The following SUSD1 variants were observed in gnomAD, a reference collection of about 807,000 sequenced individuals.
The protein encoded by SUSD1 is sushi domain-containing protein 1.
In SUSD1, 65 loss-of-function variants were observed where a neutral mutation model predicts 86.9. The ratio of observed to expected loss-of-function variants is 0.75; its 90% CI spans 0.61 to 0.92. The LOEUF (loss-of-function observed/expected upper bound fraction) is 0.92. Ranked by LOEUF, SUSD1 falls within the 40% of genes least tolerant of loss-of-function variation. The pLI, the probability that SUSD1 is intolerant of heterozygous loss-of-function variation, is 0.00. For synonymous variants in SUSD1, 346 were observed against 350.0 expected, an observed-to-expected ratio of 0.99 and a Z score of 0.13; for missense variants, 850 against 929.7, an observed-to-expected ratio of 0.91 and a Z score of 1.11.
At chr9:112,052,338 A>C in intron 15 of SUSD1, 61 bp downstream of exon 15, 1 of 1,613,232 alleles carries the variant, frequency 6.2e-7, no homozygotes. Context: ...TCTCATCAAT[A>C]TGAACTTGAT....
chr9:112,116,470 T>A (rs1367186328), intron 6 of SUSD1, among the ~76,000 whole-genome samples: 2 of 152,256 alleles, frequency 1.3e-5, no homozygotes, highest in Non-Finnish European at 2.9e-5. Flanking sequence ...ATAGTGCTGA[T>A]AACTGAAAAC....
chr9:112,078,721 G>A lies in SUSD1; in HGVS notation c.1570C>T (p.His524Tyr), dbSNP rs1006061983. ...TADMEEMYLF[H>Y]IWGQRWYQKE... ...TGATACCATCTCTGGCCCCAAATGT[G>A]GAACTGAAACATAAAAAAGCTCACT... Residue 524 changes from histidine (H) to tyrosine (Y), a missense_variant, in exon 12 of 17, where the codon CAC (histidine) becomes TAC (tyrosine). His to Tyr is a moderately conservative substitution (Grantham distance 83). Transcript: ENST00000374270. 1 of 1,609,702 alleles carries A rather than the reference G, an allele frequency of 6.2e-7. No homozygotes were observed. The highest frequency in any genetic ancestry group is 1.7e-5 in the Admixed American group (1 of 59,890).
chr9:112,157,655 G>C (rs772632400), intron 1 of SUSD1, 42 bp from the exon 2 acceptor site: 2 of 1,524,582 alleles, frequency 1.3e-6, no homozygotes, highest in Non-Finnish European at 1.8e-6. Context: ...AAAAATGCAA[G>C]ATGAGACACA....
intron 12 of SUSD1, among the ~76,000 whole-genome samples, chr9:112,066,757 T>A (rs981600166): frequency 6.6e-6 from 1 of 152,216 alleles, no homozygotes; most frequent in African/African-American, 2.4e-5. Flanking sequence ...GGGGCCAGCA[T>A]TCCCAGTACT....
chr9:112,094,748 A>G (rs533242834), intron 10 of SUSD1, among the ~76,000 whole-genome samples: 5 of 152,252 alleles, frequency 3.3e-5, no homozygotes, highest in Non-Finnish European at 7.3e-5. Context: ...ATGACAAGGA[A>G]AAGTTTTAAA....
At chr9:112,065,419 G>A (rs1828933628) in intron 12 of SUSD1, among the ~76,000 whole-genome samples, 1 of 152,176 alleles carries the variant, frequency 6.6e-6, no homozygotes, top group Non-Finnish European at 1.5e-5. Context: ...CAGCTACTCA[G>A]GAGTCTGAGG....
chr9:112,122,646 T>A (rs768110581), intron 6 of SUSD1, among the ~76,000 whole-genome samples: 1 of 152,154 alleles, frequency 6.6e-6, no homozygotes, highest in African/African-American at 2.4e-5. Context: ...TCCAAAAGAA[T>A]TGAAAACAGG....
intron 12 of SUSD1, among the ~76,000 whole-genome samples, chr9:112,068,178 A>G (rs1241076574): frequency 1.3e-5 from 2 of 152,200 alleles, no homozygotes; most frequent in Admixed American, 1.3e-4. Context: ...AGTTATATAC[A>G]GAGCACTGTG....
intron 6 of SUSD1, among the ~76,000 whole-genome samples, chr9:112,123,602 C>T (rs1831639690): frequency 6.6e-6 from 1 of 152,096 alleles, no homozygotes; most frequent in Non-Finnish European, 1.5e-5. Flanking sequence ...GAGTTCGAGA[C>T]CAGCCTGGGC....
intron 12 of SUSD1, among the ~76,000 whole-genome samples, chr9:112,073,571 C>T (rs1177338869): frequency 1.8e-4 from 25 of 140,824 alleles, no homozygotes; most frequent in Non-Finnish European, 3.0e-4. Flanking sequence ...ATGTTGCCTA[C>T]AAAGCTTTTA....
chr9:112,160,153 T>C (rs1455188264), intron 1 of SUSD1, among the ~76,000 whole-genome samples: 2 of 152,112 alleles, frequency 1.3e-5, no homozygotes, highest in Non-Finnish European at 2.9e-5. Context: ...GAAAATATTA[T>C]CAAATGCACT....
intron 1 of SUSD1, among the ~76,000 whole-genome samples, chr9:112,162,760 TG>T (rs1428973904): frequency 2.6e-5 from 4 of 152,162 alleles, no homozygotes; most frequent in Non-Finnish European, 4.4e-5. Context: ...TAAGCCCAAA[TG>T]GCACCAGAGA....
At chr9:112,070,449 A>G (rs1311581053) in intron 12 of SUSD1, among the ~76,000 whole-genome samples, 1 of 152,158 alleles carries the variant, frequency 6.6e-6, no homozygotes, top group Non-Finnish European at 1.5e-5. Flanking sequence ...TTGTCTCCCA[A>G]ACTGATGTCC....
intron 14 of SUSD1, 45 bp downstream of exon 14, chr9:112,058,383 G>A (rs756445708): frequency 1.1e-5 from 17 of 1,584,982 alleles, no homozygotes; most frequent in Non-Finnish European, 1.3e-5. Context: ...AATGTCATAC[G>A]AAGAAGAAAA....
intron 1 of SUSD1, among the ~76,000 whole-genome samples, chr9:112,162,337 G>T (rs1833607016): frequency 6.6e-6 from 1 of 152,192 alleles, no homozygotes; most frequent in South Asian, 2.1e-4. Flanking sequence ...ATCATTTTGT[G>T]TCTGGATCCC....
At chr9:112,052,482 A>G in intron 14 of SUSD1, 44 bp from the exon 15 acceptor site, 1 of 1,610,818 alleles carries the variant, frequency 6.2e-7, no homozygotes, top group Non-Finnish European at 8.5e-7. Flanking sequence ...GGTGGCACAC[A>G]GTGTCAGTTT....
intron 6 of SUSD1, among the ~76,000 whole-genome samples, chr9:112,114,720 G>A (rs185944512): frequency 6.6e-4 from 100 of 152,196 alleles, no homozygotes; most frequent in Admixed American, 1.7e-3. Context: ...CTCCTATTCT[G>A]GGACTTCCCT....
At chr9:112,078,428 G>A in intron 12 of SUSD1, 110 bp downstream of exon 12, 2 of 1,098,946 alleles carry the variant, frequency 1.8e-6, no homozygotes, top group Non-Finnish European at 2.6e-6. Flanking sequence ...TCCTCTCCCT[G>A]TTAAAGTTCA....
chr9:112,160,941 G>GGACA (rs750904378), intron 1 of SUSD1, among the ~76,000 whole-genome samples: 38 of 152,180 alleles, frequency 2.5e-4, no homozygotes, highest in Non-Finnish European at 4.1e-4. Context: ...CACATTAGAA[G>GGACA]GACAACACAC....
Sources: allele counts gnomAD v4.1 joint callset (sites outside exome capture counted in the v4.1 genomes callset), GRCh38; gene constraint gnomAD v4.1.1; transcripts MANE v1.5; gene names NCBI Gene and HGNC (gene_info 2026-07-23, HGNC 2026-07-21).